The following NCAPG2 variants were observed in gnomAD, a reference collection of about 807,000 sequenced individuals.
The protein encoded by NCAPG2 is non-SMC condensin II complex subunit G2, also known as condensin-2 complex subunit G2.
In NCAPG2, 53 loss-of-function variants were observed where a neutral mutation model predicts 141.1. The ratio of observed to expected loss-of-function variants is 0.38; its 90% confidence interval spans 0.30 to 0.47. The LOEUF is 0.47. Among genes scored for constraint, NCAPG2 ranks in the 20% least tolerant of loss-of-function variants. NCAPG2 has a pLI of 0.99. For synonymous variants in NCAPG2, 499 were observed against 490.7 expected (o/e 1.02, Z -0.22); for missense variants, 1,087 against 1,389.0 (o/e 0.78, Z 3.46).
chr7:158,646,084 G>A (rs910239156), intron 25 of NCAPG2, among the ~76,000 whole-genome samples: 2 of 152,134 alleles, frequency 1.3e-5, no homozygotes. Context: ...AAAATGAGTA[G>A]CAGCTGCGTA....
chr7:158,664,536 G>T lies in NCAPG2; in HGVS notation c.1694C>A (p.Thr565Asn), dbSNP rs755566765. The T allele has an allele frequency of 6.8e-6, 11 of 1,613,976 alleles. No individual in the cohort carries two copies. The highest frequency in any genetic ancestry group is 9.3e-6 in the Non-Finnish European group (11 of 1,179,948). The change falls in exon 14 of 28, where the codon ACC becomes AAC. Residue 565 changes from threonine (T) to asparagine (N), a missense_variant. Transcript: ENST00000356309. ...ATAACAGCACTCCCTACCTATGTTGGTGCAGGCGGTGTGTTCGTGGGCGTA... is the reference window on the plus strand; with the variant it reads ...ATAACAGCACTCCCTACCTATGTTGTTGCAGGCGGTGTGTTCGTGGGCGTA... ...YQYAHEHTACTNIAKLIHVIR... is the reference protein window; with the variant it reads ...YQYAHEHTACNNIAKLIHVIR...
At chr7:158,660,212 T>C (rs1295338306) in intron 16 of NCAPG2, among the ~76,000 whole-genome samples, 1 of 152,046 alleles carries the variant, frequency 6.6e-6, no homozygotes, top group Non-Finnish European at 1.5e-5. Flanking sequence ...GAAGCAATTT[T>C]CCTTAGTGGT....
chr7:158,691,597 A>G (rs1220645088), intron 4 of NCAPG2, among the ~76,000 whole-genome samples: 1 of 152,224 alleles, frequency 6.6e-6, no homozygotes, highest in African/African-American at 2.4e-5. Context: ...GGTATGTGAA[A>G]AGTTTTCTTA....
rs116912518 is a variant in NCAPG2, at chr7:158,666,207, G to A, written c.1480-1457C>T. 1.7e-4 allele frequency among the ~76,000 whole-genome samples: 26 copies of A among 152,222 alleles called. No homozygotes were observed. In the East Asian group the frequency reaches 4.6e-3, roughly 27 times the overall value. On this transcript the variant is annotated intron_variant, in intron 13 of 27. Coordinates refer to ENST00000356309, the MANE Select transcript of NCAPG2 (RefSeq NM_017760.7). The stretch of plus-strand genomic sequence containing the variant: ...AGGACAAGAAAGAGAAAAATACTAG[G>A]ACTCATATTCTGACCAGAGAACAAC...
chr7:158,686,226 G>A lies in NCAPG2; in HGVS notation c.783C>T (p.Tyr261=), dbSNP rs1834746550. Residue 261 remains tyrosine (Y), a synonymous_variant, in exon 8 of 28, where the codon TAC becomes TAT. Transcript: ENST00000356309. ...LQGLQKSLMV[Y]IAEIYFRAWK... is the part of the protein sequence containing the mutation. The stretch of plus-strand genomic sequence containing the variant: ...AAGCTCTGAAATAAATTTCTGCAAT[G>A]TATACCATCAAAGACCTATATAAAA... The A allele has an allele frequency of 6.4e-7, 1 of 1,569,904 alleles. No homozygotes were observed. Among genetic ancestry groups the A allele is most frequent in the Non-Finnish European group, 8.6e-7 (1 of 1,156,586 alleles).
At chr7:158,671,767 T>A in intron 12 of NCAPG2, 101 bp from the exon 13 acceptor site, 1 of 1,263,808 alleles carries the variant, frequency 7.9e-7, no homozygotes, top group Non-Finnish European at 1.1e-6. Context: ...TCCATCTTTA[T>A]TAGAACTACT....
chr7:158,662,155 C>T lies in NCAPG2; in HGVS notation c.1989+39G>A, dbSNP rs546932743. On this transcript the variant is annotated intron_variant, in intron 16 of 27. Transcript: ENST00000356309. Reference sequence around the variant, plus strand: ...TTGTTAAATTCTAAACAAACGTAACCTTAATATACCTTGCTTACAAGTATA... The same window carrying T: ...TTGTTAAATTCTAAACAAACGTAACTTTAATATACCTTGCTTACAAGTATA... 44 of 1,545,116 alleles carry T rather than the reference C, an allele frequency of 2.8e-5. No homozygotes were observed. The African/African-American group carries it at 4.5e-4, about 16-fold the overall frequency.
chr7:158,693,307 A>G lies in NCAPG2; in HGVS notation c.267+2T>C. On this transcript the variant is annotated splice_donor_variant, in intron 3 of 27. Transcript: ENST00000356309. LOFTEE classifies it high-confidence loss of function. ...TTCTTATTTTTGAAAAACAAATACT[A>G]CCATTTTTGAGCCATGTTCGGTTTC... 1 of 1,598,276 alleles carries G rather than the reference A, an allele frequency of 6.3e-7. No individual in the cohort carries two copies. Among genetic ancestry groups the G allele is most frequent in the Non-Finnish European group, 8.5e-7 (1 of 1,176,602 alleles).
At chr7:158,699,980 G>T (rs1435292590) in intron 2 of NCAPG2, among the ~76,000 whole-genome samples, 1 of 152,046 alleles carries the variant, frequency 6.6e-6, no homozygotes, top group Non-Finnish European at 1.5e-5. Context: ...AGAGTGCAGT[G>T]ACTGTTGGTA....
intron 2 of NCAPG2, among the ~76,000 whole-genome samples, chr7:158,701,022 C>T (rs1180448869): frequency 1.3e-5 from 2 of 152,192 alleles, no homozygotes; most frequent in Non-Finnish European, 1.5e-5. Flanking sequence ...ACTGGCCATC[C>T]GCTGGTGCAC....
chr7:158,664,371 T>C, intron 14 of NCAPG2, 75 bp from the exon 15 acceptor site: 1 of 1,517,726 alleles, frequency 6.6e-7, no homozygotes, highest in East Asian at 2.3e-5. Flanking sequence ...AGTGAAATTA[T>C]AATCCCAATT....
chr7:158,678,957 C>A (rs1834272969), intron 11 of NCAPG2, among the ~76,000 whole-genome samples: 3 of 152,146 alleles, frequency 2.0e-5, no homozygotes. Flanking sequence ...CTGAAGCCTC[C>A]CAAGTAGCTG....
In NCAPG2 at chr7:158,645,588, C is replaced by T. The variant is rs376857513; in HGVS notation, c.3211G>A (p.Ala1071Thr). ...SFLDELKACV[A>T]SNDIEGIVCL... is the part of the protein sequence containing the mutation. Reference sequence around the variant, plus strand: ...ACAATGCCTTCAATATCATTAGAAGCCACACATGCCTTTAATTCATCCAAA... The same window carrying T: ...ACAATGCCTTCAATATCATTAGAAGTCACACATGCCTTTAATTCATCCAAA... Residue 1071 changes from alanine (A) to threonine (T), a missense_variant, in exon 26 of 28, where the codon GCT becomes ACT. Physicochemically the swap from Ala to Thr is moderately conservative, Grantham distance 58. Transcript: ENST00000356309. 4 of 1,614,032 alleles carry T rather than the reference C, an allele frequency of 2.5e-6. No individual in the cohort carries two copies. The highest frequency in any genetic ancestry group is 3.4e-6 in the Non-Finnish European group (4 of 1,180,030).
intron 10 of NCAPG2, 94 bp downstream of exon 10, chr7:158,680,627 T>G: frequency 1.3e-6 from 1 of 752,194 alleles, no homozygotes; most frequent in Non-Finnish European, 2.0e-6. Flanking sequence ...AGCCTTATCT[T>G]TACTATTTTA....
chr7:158,663,274 C>G (rs555352328), intron 15 of NCAPG2, among the ~76,000 whole-genome samples: 1 of 152,376 alleles, frequency 6.6e-6, no homozygotes, highest in East Asian at 1.9e-4. Context: ...GCTCTGAACA[C>G]TGGCAGTGAG....
At chr7:158,655,040 C>G in intron 21 of NCAPG2, 78 bp downstream of exon 21, 1 of 1,474,924 alleles carries the variant, frequency 6.8e-7, no homozygotes, top group South Asian at 1.4e-5. Flanking sequence ...AAAATTACCA[C>G]TCTAAAGTAG....
chr7:158,698,179 G>T (rs570967375), intron 2 of NCAPG2, among the ~76,000 whole-genome samples: 19 of 152,260 alleles, frequency 1.2e-4, no homozygotes, highest in African/African-American at 3.9e-4. Flanking sequence ...TAAGCTAAGT[G>T]TTATTATAAA....
chr7:158,666,504 T>G (rs1832948394), intron 13 of NCAPG2, among the ~76,000 whole-genome samples: 1 of 151,656 alleles, frequency 6.6e-6, no homozygotes, highest in Non-Finnish European at 1.5e-5. Context: ...ACTTTAAAGG[T>G]AAGAAGCAGG....
chr7:158,664,494 A>G (rs1337083258), intron 14 of NCAPG2, 34 bp downstream of exon 14: 1 of 1,599,648 alleles, frequency 6.3e-7, no homozygotes, highest in Non-Finnish European at 8.6e-7. Flanking sequence ...GGGGGAAAAC[A>G]TAACAAGAAC....
Sources: gnomAD v4.1 joint callset for allele counts (sites outside exome capture counted in the v4.1 genomes callset) on GRCh38, gnomAD v4.1.1 for gene constraint, MANE v1.5 for transcripts, NCBI Gene and HGNC (gene_info 2026-07-23, HGNC 2026-07-21) for gene names.